Variants in RPS6KA2 observed in about 807,000 individuals in gnomAD.
RPS6KA2 encodes the protein ribosomal protein S6 kinase A2.
RPS6KA2 carries 42 observed loss-of-function variants against 91.8 expected under a neutral mutation model. The observed-to-expected ratio is 0.46, with a 90% CI of 0.36 to 0.59. The LOEUF (loss-of-function observed/expected upper bound fraction) is 0.59. RPS6KA2 is among the 20% of genes least tolerant of loss of function. The pLI is 0.00. For missense variants in RPS6KA2, 798 were observed against 978.5 expected (o/e 0.82, Z 2.46); for synonymous variants, 414 against 393.6 (o/e 1.05, Z -0.61).
At chr6:166,422,639 G>A (rs1004283978) in intron 17 of RPS6KA2, among the ~76,000 whole-genome samples, 11 of 152,182 alleles carry the variant, frequency 7.2e-5, no homozygotes, top group Admixed American at 2.0e-4. Flanking sequence ...GAACCTAATG[G>A]AACTTGTTCC....
At chr6:166,458,729 C>T (rs1041600265) in intron 12 of RPS6KA2, among the ~76,000 whole-genome samples, 3 of 152,182 alleles carry the variant, frequency 2.0e-5, no homozygotes, top group African/African-American at 7.2e-5. Context: ...CAGGAACCAA[C>T]CCTGTCAGTA....
At chr6:166,614,866 C>A (rs886677187) in intron 1 of RPS6KA2, among the ~76,000 whole-genome samples, 4 of 152,226 alleles carry the variant, frequency 2.6e-5, no homozygotes, top group African/African-American at 9.6e-5. Context: ...AGGGCCTCCC[C>A]AGATTATCCA....
At chr6:166,479,861 G>A (rs1283100550) in intron 10 of RPS6KA2, among the ~76,000 whole-genome samples, 3 of 152,134 alleles carry the variant, frequency 2.0e-5, no homozygotes, top group South Asian at 2.1e-4. Flanking sequence ...AATTCTGAAC[G>A]TTCTGTGCTG....
intron 2 of RPS6KA2, among the ~76,000 whole-genome samples, chr6:166,715,375 A>G (rs1011501172): frequency 6.6e-6 from 1 of 152,230 alleles, no homozygotes; most frequent in Non-Finnish European, 1.5e-5. Context: ...GCCTCTTAAA[A>G]AGGAGTAAAC....
intron 2 of RPS6KA2, among the ~76,000 whole-genome samples, chr6:166,808,789 CA>C (rs1172461643): frequency 6.6e-6 from 1 of 152,204 alleles, no homozygotes; most frequent in African/African-American, 2.4e-5. Flanking sequence ...ATGTAAATGT[CA>C]GTATCCCCAA....
chr6:166,528,808 A>G (rs1554286236), intron 3 of RPS6KA2, among the ~76,000 whole-genome samples: 1 of 152,028 alleles, frequency 6.6e-6, no homozygotes, highest in Non-Finnish European at 1.5e-5. Context: ...CAGCCAAAAG[A>G]CACATGAAAA....
intron 1 of RPS6KA2, among the ~76,000 whole-genome samples, chr6:166,592,531 G>C (rs9457189): frequency 0.33 from 49,833 of 152,024 alleles, 8,744 homozygotes; most frequent in East Asian, 0.48. Context: ...AGTCAGTGTT[G>C]GTGACCATTC....
intron 3 of RPS6KA2, among the ~76,000 whole-genome samples, chr6:166,524,364 G>A (rs746301855): frequency 1.3e-5 from 2 of 151,854 alleles, no homozygotes; most frequent in Non-Finnish European, 2.9e-5. Flanking sequence ...CAGCTCATTC[G>A]ACACTGCGGA....
intron 2 of RPS6KA2, among the ~76,000 whole-genome samples, chr6:166,720,838 C>T (rs529158386): frequency 3.3e-5 from 5 of 152,316 alleles, no homozygotes; most frequent in African/African-American, 7.2e-5. Context: ...GCAGCAAGGC[C>T]GTACCTGCCT....
At chr6:166,808,459 C>T (rs1263937526) in intron 2 of RPS6KA2, among the ~76,000 whole-genome samples, 2 of 152,200 alleles carry the variant, frequency 1.3e-5, no homozygotes, top group Non-Finnish European at 2.9e-5. Flanking sequence ...TCTCACCCCA[C>T]TAGAGCATGA....
intron 10 of RPS6KA2, among the ~76,000 whole-genome samples, chr6:166,475,148 A>T (rs1231321337): frequency 9.1e-6 from 1 of 110,362 alleles, no homozygotes; most frequent in Non-Finnish European, 1.6e-5. Flanking sequence ...CTATCGTGGG[A>T]TGTGCCCCAG....
At position 166,648,065 on chromosome 6, in the gene RPS6KA2, CAT is replaced by C. The variant is rs1477743124; in HGVS notation, c.124-109283_124-109282del. ...TCACACACATGCACATGCTCACACA[CAT>C]GCACACGCACATGGTCATACACACA... On this transcript the variant is annotated intron_variant, in intron 2 of 21. Coordinates refer to the RPS6KA2 transcript ENST00000503859. The surrounding 1 kb of genome is among the most constrained non-coding windows in gnomAD (Gnocchi z 4.8). Among the ~76,000 whole-genome samples, 10 of 151,190 alleles carry C rather than the reference CAT, an allele frequency of 6.6e-5. No homozygotes were observed. The highest frequency in any genetic ancestry group is 2.1e-4 in the South Asian group (1 of 4,746).
intron 2 of RPS6KA2, among the ~76,000 whole-genome samples, chr6:166,730,215 T>C (rs1276785301): frequency 6.6e-6 from 1 of 152,388 alleles, no homozygotes; most frequent in Non-Finnish European, 1.5e-5. Flanking sequence ...AATCTTTTGA[T>C]ATCTTTGGCA....
At chr6:166,785,803 G>A (rs1383620899) in intron 2 of RPS6KA2, among the ~76,000 whole-genome samples, 1 of 152,142 alleles carries the variant, frequency 6.6e-6, no homozygotes, top group Non-Finnish European at 1.5e-5. Flanking sequence ...TTATTTATAT[G>A]AGACTTAAGT....
chr6:166,825,185 G>A lies in RPS6KA2; in HGVS notation c.123+33015C>T, dbSNP rs1369588407. The stretch of plus-strand genomic sequence containing the variant: ...CAGAGCGGGCTCCCCACAAATGGGG[G>A]CTCTGAGTTGAGGGGTGCTGGATGC... On this transcript the variant is annotated intron_variant, in intron 2 of 21. Coordinates refer to the RPS6KA2 transcript ENST00000503859. This position sits in a 1 kb window ranked among gnomAD's most constrained non-coding sequence, Gnocchi z 4.1. Among the ~76,000 whole-genome samples, 6 of 152,260 alleles carry A rather than the reference G, an allele frequency of 3.9e-5. No homozygotes were observed. Among genetic ancestry groups the A allele is most frequent in the Admixed American group, 6.5e-5 (1 of 15,294 alleles).
At chr6:166,483,446 C>A (rs1313135323) in intron 10 of RPS6KA2, among the ~76,000 whole-genome samples, 1 of 152,218 alleles carries the variant, frequency 6.6e-6, no homozygotes, top group Non-Finnish European at 1.5e-5. Context: ...CCGCTTCTAG[C>A]AGGAGGACGG....
chr6:166,552,317 T>C (rs930823240), intron 1 of RPS6KA2, among the ~76,000 whole-genome samples: 3 of 152,190 alleles, frequency 2.0e-5, no homozygotes, highest in Non-Finnish European at 4.4e-5. Flanking sequence ...GATGAAAACT[T>C]GTGAAATGGT....
intron 2 of RPS6KA2, among the ~76,000 whole-genome samples, chr6:166,534,221 CAAAAA>C (rs34585369): frequency 3.4e-5 from 2 of 59,342 alleles, no homozygotes; most frequent in African/African-American, 6.7e-5. Context: ...GACTCTGTCT[CAAAAA>C]AAAAAAAAAA....
intron 1 of RPS6KA2, among the ~76,000 whole-genome samples, chr6:166,587,631 T>TG (rs990400842): frequency 1.9e-5 from 2 of 105,898 alleles, no homozygotes; most frequent in African/African-American, 8.5e-5. Flanking sequence ...AGTCTGCCAT[T>TG]GGAAAAAAAA....
Sources: gnomAD v4.1 joint callset for allele counts (sites outside exome capture counted in the v4.1 genomes callset) on GRCh38, gnomAD v4.1.1 for gene constraint, Gnocchi (gnomAD v3.1) non-coding constraint, MANE v1.5 for transcripts, NCBI Gene and HGNC (gene_info 2026-07-23, HGNC 2026-07-21) for gene names.